MIR2052HG: variants seen among roughly 807,000 people sequenced by gnomAD.
MIR2052HG encodes MIR2052 host gene.
At chr8:74,714,682 G>T (rs1809502538) in intron 4 of MIR2052HG, among the ~76,000 whole-genome samples, 1 of 149,624 alleles carries the variant, frequency 6.7e-6, no homozygotes, top group Non-Finnish European at 1.5e-5. Flanking sequence ...TTCTTTGGGA[G>T]ACCTCCTTTT....
intron 4 of MIR2052HG, among the ~76,000 whole-genome samples, chr8:74,736,411 A>C (rs541479970): frequency 6.6e-6 from 1 of 152,330 alleles, no homozygotes; most frequent in South Asian, 2.1e-4. Context: ...ACATTTCTAA[A>C]AATATTTTCT....
At chr8:74,656,940 A>C (rs749240377) in intron 2 of MIR2052HG, among the ~76,000 whole-genome samples, 16 of 152,250 alleles carry the variant, frequency 1.1e-4, no homozygotes, top group Non-Finnish European at 1.9e-4. Context: ...CCAGCTGAAG[A>C]TAGAAACAAT....
At chr8:74,600,594 A>G (rs1027767509) in intron 1 of MIR2052HG, among the ~76,000 whole-genome samples, 17 of 151,884 alleles carry the variant, frequency 1.1e-4, no homozygotes, top group African/African-American at 3.6e-4. Flanking sequence ...AAGGAAAAAA[A>G]AAAAAGAGAC....
At chr8:74,715,610 G>C (rs887620985) in intron 4 of MIR2052HG, among the ~76,000 whole-genome samples, 1 of 152,162 alleles carries the variant, frequency 6.6e-6, no homozygotes, top group Middle Eastern at 3.4e-3. Flanking sequence ...CAGACAAATA[G>C]ATTAAAAAAA....
chr8:74,609,233 A>G (rs1029715274), intron 1 of MIR2052HG, among the ~76,000 whole-genome samples: 2 of 152,002 alleles, frequency 1.3e-5, no homozygotes, highest in African/African-American at 4.8e-5. Flanking sequence ...ATAAAAATTA[A>G]CAGAGTTTAC....
intron 4 of MIR2052HG, among the ~76,000 whole-genome samples, chr8:74,742,472 G>T (rs1249723386): frequency 6.6e-6 from 1 of 151,878 alleles, no homozygotes; most frequent in Non-Finnish European, 1.5e-5. Flanking sequence ...AATTATATCT[G>T]GTTAGTTGTT....
chr8:74,741,441 T>C (rs996630051), intron 4 of MIR2052HG, among the ~76,000 whole-genome samples: 3 of 152,226 alleles, frequency 2.0e-5, no homozygotes, highest in African/African-American at 4.8e-5. Context: ...GAAATGTGAC[T>C]GTAAATTTCT....
At chr8:74,602,865 C>CTTTCTTTCTTTCTTTCTTTCTTTCTTTG (rs879678607) in intron 1 of MIR2052HG, among the ~76,000 whole-genome samples, 12 of 142,768 alleles carry the variant, frequency 8.4e-5, no homozygotes, top group African/African-American at 3.1e-4. Flanking sequence ...TTCTTTCTTT[C>CTTTCTTTCTTTCTTTCTTTCTTTCTTTG]TTTCTTTCTT....
intron 2 of MIR2052HG, among the ~76,000 whole-genome samples, chr8:74,676,606 A>G (rs1809055686): frequency 6.6e-6 from 1 of 151,996 alleles, no homozygotes. Context: ...ACAAAGTAAG[A>G]GGGTGAAAAA....
intron 2 of MIR2052HG, among the ~76,000 whole-genome samples, chr8:74,650,879 T>G (rs74899641): frequency 0.045 from 6,791 of 152,280 alleles, 224 homozygotes; most frequent in Non-Finnish European, 0.053. Context: ...CCTGGTTTTA[T>G]TGAACTGAAA....
chr8:74,706,199 C>G (rs1420261269), intron 4 of MIR2052HG, among the ~76,000 whole-genome samples: 1 of 152,050 alleles, frequency 6.6e-6, no homozygotes, highest in Non-Finnish European at 1.5e-5. Context: ...AATTGCAGAA[C>G]AGTGTGGGTG....
rs1347895219 is a variant in MIR2052HG, at chr8:74,664,519, T to C, written n.217-37860T>C. Among the ~76,000 whole-genome samples, 3 of 152,282 alleles carry C rather than the reference T, an allele frequency of 2.0e-5. No homozygotes were observed. The East Asian group carries it at 5.8e-4, about 29-fold the overall frequency. On this transcript the variant is annotated intron_variant and non_coding_transcript_variant, in intron 2 of 6. Coordinates refer to ENST00000523442, the Ensembl canonical transcript of MIR2052HG. ...TCAACTTTTCTTTTTCTTTTCCTTTTTTATTTTTATTTTTTGAGGCAGAAT... is the reference window on the plus strand; with the variant it reads ...TCAACTTTTCTTTTTCTTTTCCTTTCTTATTTTTATTTTTTGAGGCAGAAT...
chr8:74,673,906 T>TATATAC (rs1554575303), intron 2 of MIR2052HG, among the ~76,000 whole-genome samples: 2 of 138,298 alleles, frequency 1.4e-5, no homozygotes, highest in African/African-American at 6.2e-5. Context: ...TATATATATA[T>TATATAC]ATATACACAC....
intron 2 of MIR2052HG, among the ~76,000 whole-genome samples, chr8:74,624,052 C>T (rs1321843955): frequency 6.6e-6 from 1 of 152,068 alleles, no homozygotes; most frequent in Non-Finnish European, 1.5e-5. Flanking sequence ...TATGGCATGA[C>T]CAAAAAGAGC....
chr8:74,640,273 C>T (rs1275403218), intron 2 of MIR2052HG, among the ~76,000 whole-genome samples: 1 of 151,760 alleles, frequency 6.6e-6, no homozygotes, highest in African/African-American at 2.4e-5. Context: ...TAAAACTATC[C>T]TGGCCAATAT....
intron 2 of MIR2052HG, among the ~76,000 whole-genome samples, chr8:74,662,665 G>A (rs1039167906): frequency 6.6e-6 from 1 of 152,186 alleles, no homozygotes; most frequent in Non-Finnish European, 1.5e-5. Flanking sequence ...AAGGATAATT[G>A]CTATTTAAGT....
chr8:74,719,637 A>T (rs116490358), intron 4 of MIR2052HG, among the ~76,000 whole-genome samples: 8,781 of 152,088 alleles, frequency 0.058, 329 homozygotes, highest in Middle Eastern at 0.085. Flanking sequence ...GGCGCCCTCC[A>T]CTTAATAGTA....
chr8:74,737,615 C>G (rs72667600), intron 4 of MIR2052HG, among the ~76,000 whole-genome samples: 3,527 of 152,208 alleles, frequency 0.023, 71 homozygotes, highest in Non-Finnish European at 0.038. Flanking sequence ...ACTTTTTGGC[C>G]TAATGTCCTG....
At chr8:74,681,744 G>A (rs1368981838) in intron 2 of MIR2052HG, among the ~76,000 whole-genome samples, 1 of 152,088 alleles carries the variant, frequency 6.6e-6, no homozygotes, top group African/African-American at 2.4e-5. Context: ...AACTCATCAT[G>A]TTCTTGGATT....
Sources: allele counts gnomAD v4.1 joint callset (sites outside exome capture counted in the v4.1 genomes callset), GRCh38; gene constraint gnomAD v4.1.1; transcripts MANE v1.5; gene names NCBI Gene and HGNC (gene_info 2026-07-23, HGNC 2026-07-21).